The following LCE1F variants were observed in gnomAD, a reference collection of about 807,000 sequenced individuals.
The protein encoded by LCE1F is late cornified envelope 1F.
For missense variants in LCE1F, 154 were observed against 153.5 expected (o/e 1.00, Z -0.02); for synonymous variants, 67 against 59.9 (o/e 1.12, Z -0.55).
intron 1 of LCE1F, among the ~76,000 whole-genome samples, chr1:152,775,974 G>A (rs1478188481): frequency 6.7e-6 from 1 of 150,142 alleles, no homozygotes; most frequent in East Asian, 1.9e-4. Context: ...TCCTTAAAGA[G>A]ATTTTCATCT....
chr1:152,776,854 C>A lies in LCE1F; in HGVS notation c.*126C>A. 2.6e-6 allele frequency: 3 copies of A among 1,164,174 alleles called. No individual in the cohort carries two copies. Among genetic ancestry groups the A allele is most frequent in the South Asian group, 1.9e-5 (1 of 52,354 alleles). The allele number at this position is 1,164,174 out of a possible 1,614,324, so 72.1% of individuals were successfully genotyped here. ...TCAAACTCTGTCCTGGAAGATTCCT[C>A]CGACCTAGAATCCAGAAATCTGCCC... On this transcript the variant is annotated 3_prime_UTR_variant, in exon 2 of 2. Transcript: ENST00000334371.
At chr1:152,775,822 A>G (rs2101572452) in intron 1 of LCE1F, among the ~76,000 whole-genome samples, 2 of 152,210 alleles carry the variant, frequency 1.3e-5, no homozygotes, top group South Asian at 4.1e-4. Flanking sequence ...CAGTGAAGTT[A>G]CCTCTTTTGG....
At position 152,776,404 on chromosome 1, in the gene LCE1F, G is replaced by A. The variant is rs754877681; in HGVS notation, c.33G>A (p.Gln11=). The part of the protein sequence containing the change: MSCQQSQQQC[Q]PPPKCTPKCP... ...GCCAGCAGAGCCAGCAGCAGTGCCA[G>A]CCCCCTCCCAAGTGCACTCCCAAGT... Residue 11 remains glutamine, a synonymous_variant, in exon 2 of 2, where the codon CAG becomes CAA. Coordinates refer to ENST00000334371, the MANE Select transcript of LCE1F (RefSeq NM_178354.3). 3 of 1,613,134 alleles carry A rather than the reference G, an allele frequency of 1.9e-6. No homozygotes were observed. The highest frequency in any genetic ancestry group is 4.5e-5 in the East Asian group (2 of 44,818).
Position 152,776,745 on chromosome 1 carries a change from A to G in LCE1F, c.*17A>G. 1 of 1,529,364 alleles carries G rather than the reference A, an allele frequency of 6.5e-7. No individual in the cohort carries two copies. 94.7% of individuals were successfully genotyped at this position (1,529,364 alleles called of 1,614,324 possible). A position where few individuals can be genotyped will look rare whatever the true frequency, so the allele number is the denominator to read the frequency against. ...TGCTGCTGAAGTGGACCCTGTGCCTAAAAGAGCAGATTTAGAGGCATGAAA... is the reference window on the plus strand; with the variant it reads ...TGCTGCTGAAGTGGACCCTGTGCCTGAAAGAGCAGATTTAGAGGCATGAAA... On this transcript the variant is annotated 3_prime_UTR_variant, in exon 2 of 2. Transcript: ENST00000334371.
Position 152,776,827 on chromosome 1 carries a change from T to G in LCE1F, c.*99T>G. ...TGTTGCTGGGACATTTTAGTAAAGA[T>G]TTCAAACTCTGTCCTGGAAGATTCC... is the stretch of plus-strand genomic sequence containing the variant. On this transcript the variant is annotated 3_prime_UTR_variant, in exon 2 of 2. Coordinates refer to ENST00000334371, the MANE Select transcript of LCE1F (RefSeq NM_178354.3). 7.3e-7 allele frequency: 1 copy of G among 1,365,938 alleles called. No homozygotes were observed. The highest frequency in any genetic ancestry group is 9.9e-7 in the Non-Finnish European group (1 of 1,010,004). 84.6% of individuals were successfully genotyped at this position (1,365,938 alleles called of 1,614,324 possible).
At chr1:152,775,372 T>C (rs954742896) in intron 1 of LCE1F, among the ~76,000 whole-genome samples, 182 bp downstream of exon 1, 2 of 143,772 alleles carry the variant, frequency 1.4e-5, no homozygotes, top group Non-Finnish European at 3.0e-5. Flanking sequence ...GGTAGAGGGG[T>C]GGGGTGGAGT....
chr1:152,776,311 C>T, intron 1 of LCE1F, 39 bp from the exon 2 acceptor site: 4 of 1,554,252 alleles, frequency 2.6e-6, no homozygotes, highest in Admixed American at 1.7e-5. Context: ...CAGGGGTGTC[C>T]TCTGCCTCCA....
At chr1:152,775,649 A>G in intron 1 of LCE1F, among the ~76,000 whole-genome samples, 1 of 152,310 alleles carries the variant, frequency 6.6e-6, no homozygotes, top group South Asian at 2.1e-4. Flanking sequence ...AGATGCCAAC[A>G]AGAAGATCTG....
chr1:152,776,709 A>C lies in LCE1F; in HGVS notation c.338A>C (p.His113Pro), dbSNP rs538106262. 6.4e-7 allele frequency: 1 copy of C among 1,563,226 alleles called. No individual in the cohort carries two copies. Among genetic ancestry groups the C allele is most frequent in the African/African-American group, 1.4e-5 (1 of 73,400 alleles). The part of the protein sequence containing the change: ...SSCCGGGSGQ[H>P]SGGCC Reference sequence around the variant, plus strand: ...TGCTGCGGAGGGGGCAGTGGCCAGCACTCTGGAGGCTGCTGCTGAAGTGGA... The same window carrying C: ...TGCTGCGGAGGGGGCAGTGGCCAGCCCTCTGGAGGCTGCTGCTGAAGTGGA... Residue 113 changes from histidine to proline, a missense_variant, in exon 2 of 2, where the codon CAC becomes CCC. By Grantham distance (77) the His-to-Pro change is moderately conservative (BLOSUM62 -2). Transcript: ENST00000334371.
At position 152,775,694 on chromosome 1, in the gene LCE1F, G is replaced by A. The variant is rs558033194; in HGVS notation, c.-23+504G>A. On this transcript the variant is annotated intron_variant, in intron 1 of 1. Transcript: ENST00000334371. ...ACTGAGTGCACACTGGAGTTTAAAA[G>A]CCATGTGACAGTGCCTGGGGACAGG... is the stretch of plus-strand genomic sequence containing the variant. Among the ~76,000 whole-genome samples, 8 of 152,316 alleles carry A rather than the reference G, an allele frequency of 5.3e-5. No individual in the cohort carries two copies. The South Asian group carries it at 1.7e-3, about 32-fold the overall frequency.
chr1:152,776,744 T>C lies in LCE1F; in HGVS notation c.*16T>C. ...CTGCTGCTGAAGTGGACCCTGTGCC[T>C]AAAAGAGCAGATTTAGAGGCATGAA... On this transcript the variant is annotated 3_prime_UTR_variant, in exon 2 of 2. Transcript: ENST00000334371. 1 of 1,529,640 alleles carries C rather than the reference T, an allele frequency of 6.5e-7. No individual in the cohort carries two copies. The highest frequency in any genetic ancestry group is 8.8e-7 in the Non-Finnish European group (1 of 1,141,584). The allele number at this position is 1,529,640 out of a possible 1,614,324, so 94.8% of individuals were successfully genotyped here. A position where few individuals can be genotyped will look rare whatever the true frequency, so the allele number is the denominator to read the frequency against.
chr1:152,775,564 C>T (rs2101572302), intron 1 of LCE1F, among the ~76,000 whole-genome samples: 1 of 152,312 alleles, frequency 6.6e-6, no homozygotes, highest in East Asian at 1.9e-4. Flanking sequence ...CAGACATACT[C>T]ACTTTTAGAA....
chr1:152,776,063 T>C (rs1651582729), intron 1 of LCE1F, among the ~76,000 whole-genome samples: 1 of 152,310 alleles, frequency 6.6e-6, no homozygotes, highest in East Asian at 1.9e-4. Flanking sequence ...AGCCAATTTA[T>C]TTCCTGGACT....
intron 1 of LCE1F, among the ~76,000 whole-genome samples, chr1:152,775,959 A>G (rs1651580419): frequency 6.6e-6 from 1 of 150,818 alleles, no homozygotes; most frequent in African/African-American, 2.5e-5. Context: ...ATTTATTTTG[A>G]TTTTTCCTTA....
chr1:152,775,359 G>A (rs1342658670), intron 1 of LCE1F, among the ~76,000 whole-genome samples, 169 bp downstream of exon 1: 2 of 152,166 alleles, frequency 1.3e-5, no homozygotes, highest in African/African-American at 4.8e-5. Context: ...ATTGGAAAGA[G>A]GAGGTAGAGG....
chr1:152,776,872 A>C lies in LCE1F; in HGVS notation c.*144A>C. 1 of 1,024,444 alleles carries C rather than the reference A, an allele frequency of 9.8e-7. No individual in the cohort carries two copies. Among genetic ancestry groups the C allele is most frequent in the East Asian group, 2.7e-5 (1 of 37,032 alleles). 63.5% of individuals were successfully genotyped at this position (1,024,444 alleles called of 1,614,324 possible). On this transcript the variant is annotated 3_prime_UTR_variant, in exon 2 of 2. Transcript: ENST00000334371. The stretch of plus-strand genomic sequence containing the variant: ...GATTCCTCCGACCTAGAATCCAGAA[A>C]TCTGCCCTCTCACAAGAATTCCTCT...
chr1:152,775,406 A>G (rs1651550318), intron 1 of LCE1F, among the ~76,000 whole-genome samples: 1 of 152,296 alleles, frequency 6.6e-6, no homozygotes, highest in East Asian at 1.9e-4. Context: ...AAGAACTGGT[A>G]AGATCTGAAG....
chr1:152,776,288 G>T, intron 1 of LCE1F, 62 bp from the exon 2 acceptor site: 1 of 1,390,196 alleles, frequency 7.2e-7, no homozygotes, highest in Non-Finnish European at 1.0e-6. Flanking sequence ...AATGCAGAAA[G>T]GACAAGAATA....
chr1:152,776,791 G>A lies in LCE1F; in HGVS notation c.*63G>A, dbSNP rs763399659. ...TGAAAGGGGCAACTTCATCTTCCTT[G>A]GGACTGACTGTGTTGCTGGGACATT... On this transcript the variant is annotated 3_prime_UTR_variant, in exon 2 of 2. Coordinates refer to ENST00000334371, the MANE Select transcript of LCE1F (RefSeq NM_178354.3). 37 of 1,481,644 alleles carry A rather than the reference G, an allele frequency of 2.5e-5. No individual in the cohort carries two copies. Among genetic ancestry groups the A allele is most frequent in the Non-Finnish European group, 3.1e-5 (34 of 1,105,502 alleles). The allele number at this position is 1,481,644 out of a possible 1,614,324, so 91.8% of individuals were successfully genotyped here. A position where few individuals can be genotyped will look rare whatever the true frequency, so the allele number is the denominator to read the frequency against.
Sources: allele counts gnomAD v4.1 joint callset (sites outside exome capture counted in the v4.1 genomes callset), GRCh38; gene constraint gnomAD v4.1.1; transcripts MANE v1.5; gene names NCBI Gene and HGNC (gene_info 2026-07-23, HGNC 2026-07-21).